KLHL30: variants seen among roughly 807,000 people sequenced by gnomAD.
The protein encoded by KLHL30 is kelch-like protein 30.
In KLHL30, 55 loss-of-function variants were observed where a neutral mutation model predicts 55.0. That is an observed-to-expected ratio of 1.00 (90% CI 0.80 to 1.25). The LOEUF (loss-of-function observed/expected upper bound fraction) is 1.25, where lower values mean the gene tolerates loss of function less well. Among genes scored for constraint, KLHL30 ranks in the 50% most tolerant of loss-of-function variants. KLHL30 has a pLI of 0.00. For synonymous variants in KLHL30, 356 were observed against 372.6 expected (o/e 0.96, Z 0.51); for missense variants, 786 against 811.6 (o/e 0.97, Z 0.38).
In KLHL30 at chr2:238,151,923, G is replaced by A; in HGVS notation, c.*858G>A. On this transcript the variant is annotated 3_prime_UTR_variant, in exon 8 of 8. Coordinates refer to ENST00000409223, the MANE Select transcript of KLHL30 (RefSeq NM_198582.4). ...GCATTGGTGGCAGCCTCCTGAGGGTGAGGGGTAGCATCCGATGGGCCCCTG... is the reference window on the plus strand; with the variant it reads ...GCATTGGTGGCAGCCTCCTGAGGGTAAGGGGTAGCATCCGATGGGCCCCTG... 1.0e-6 allele frequency: 1 copy of A among 985,496 alleles called. No individual in the cohort carries two copies. The highest frequency in any genetic ancestry group is 1.2e-6 in the Non-Finnish European group (1 of 829,964). The allele number at this position is 985,496 out of a possible 1,614,324, so 61.0% of individuals were successfully genotyped here. A position where few individuals can be genotyped will look rare whatever the true frequency, so the allele number is the denominator to read the frequency against.
chr2:238,142,918 CAACA>C lies in KLHL30; in HGVS notation c.895_898del (p.Asn299AlafsTer25). The C allele has an allele frequency of 2.0e-6, 3 of 1,506,852 alleles. No homozygotes were observed. Among genetic ancestry groups the C allele is most frequent in the Non-Finnish European group, 2.6e-6 (3 of 1,140,864 alleles). The allele number at this position is 1,506,852 out of a possible 1,614,324, so 93.3% of individuals were successfully genotyped here. On this transcript the variant is annotated frameshift_variant, in exon 3 of 8. Coordinates refer to ENST00000409223, the MANE Select transcript of KLHL30 (RefSeq NM_198582.4). LOFTEE classifies it high-confidence loss of function. ...CCGGCCTTGGGAACTTTGCCTTCTA[CAACA>C]GCAAGGCCAGTGAGTACCCCTCCCG... is the stretch of plus-strand genomic sequence containing the variant.
chr2:238,141,507 C>T lies in KLHL30; in HGVS notation c.753C>T (p.Ala251=). Reference sequence around the variant, plus strand: ...AGGAGTCAGAGGCATGCCGGGCAGCCCTGTCCCAGGGCCATGATGGGGTGA... The same window carrying T: ...AGGAGTCAGAGGCATGCCGGGCAGCTCTGTCCCAGGGCCATGATGGGGTGA... The part of the protein sequence containing the change: ...LIQESEACRA[A]LSQGHDGAPL... Residue 251 remains alanine, a synonymous_variant, in exon 2 of 8, where the codon GCC becomes GCT. Coordinates refer to ENST00000409223, the MANE Select transcript of KLHL30 (RefSeq NM_198582.4). 6.9e-7 allele frequency: 1 copy of T among 1,459,210 alleles called. No homozygotes were observed. Among genetic ancestry groups the T allele is most frequent in the Non-Finnish European group, 9.0e-7 (1 of 1,110,978 alleles). 90.4% of individuals were successfully genotyped at this position (1,459,210 alleles called of 1,614,324 possible).
At position 238,145,810 on chromosome 2, in the gene KLHL30, T is replaced by G. The variant is rs746209199; in HGVS notation, c.1128T>G (p.Asn376Lys). 2.5e-6 allele frequency: 4 copies of G among 1,606,534 alleles called. No homozygotes were observed. The highest frequency in any genetic ancestry group is 3.4e-6 in the Non-Finnish European group (4 of 1,177,054). Reference protein sequence around the residue: ...PRTNHASAALNGEIYVIGGTT... With the variant: ...PRTNHASAALKGEIYVIGGTT... ...CCAACCACGCCAGCGCGGCCCTCAA[T>G]GGGGAGATCTACGTTATCGGCGGTG... is the stretch of plus-strand genomic sequence containing the variant. The change falls in exon 5 of 8, where the codon AAT (asparagine) becomes AAG (lysine). Residue 376 changes from asparagine to lysine, a missense_variant. Coordinates refer to ENST00000409223, the MANE Select transcript of KLHL30 (RefSeq NM_198582.4).
chr2:238,139,471 C>G (rs1391145556), intron 1 of KLHL30, among the ~76,000 whole-genome samples: 1 of 152,202 alleles, frequency 6.6e-6, no homozygotes, highest in Non-Finnish European at 1.5e-5. Context: ...GCCCCGGCCA[C>G]GTGAGCTGCC....
At chr2:238,140,432 A>T (rs907835919) in intron 1 of KLHL30, among the ~76,000 whole-genome samples, 1 of 152,170 alleles carries the variant, frequency 6.6e-6, no homozygotes, top group Admixed American at 6.5e-5. Context: ...TCTGCCCTGA[A>T]TGCCTGGCCA....
intron 7 of KLHL30, 53 bp downstream of exon 7, chr2:238,149,205 A>G: frequency 1.2e-6 from 2 of 1,601,278 alleles, no homozygotes; most frequent in Non-Finnish European, 1.7e-6. Flanking sequence ...GACTCCTGAC[A>G]TCAGAGAGCC....
At chr2:238,139,730 C>A (rs945554505) in intron 1 of KLHL30, among the ~76,000 whole-genome samples, 7 of 152,182 alleles carry the variant, frequency 4.6e-5, no homozygotes, top group Admixed American at 1.3e-4. Flanking sequence ...GCCTCTCCTG[C>A]CCGGGATGGC....
chr2:238,139,282 C>T lies in KLHL30; in HGVS notation c.-71+524C>T, dbSNP rs1692486975. 3.3e-5 allele frequency among the ~76,000 whole-genome samples: 5 copies of T among 152,338 alleles called. No individual in the cohort carries two copies. The South Asian group carries it at 1.0e-3, about 32-fold the overall frequency. ...ATGACGGGAATGTGAGGCCTGCAGG[C>T]GGTGGCCCAGGGACAGCCCTGTCAC... is the stretch of plus-strand genomic sequence containing the variant. On this transcript the variant is annotated intron_variant, in intron 1 of 7. Coordinates refer to ENST00000409223, the MANE Select transcript of KLHL30 (RefSeq NM_198582.4).
At position 238,148,082 on chromosome 2, in the gene KLHL30, C is replaced by A. The variant is rs1193198998; in HGVS notation, c.1339+60C>A. On this transcript the variant is annotated intron_variant, in intron 6 of 7. Coordinates refer to ENST00000409223, the MANE Select transcript of KLHL30 (RefSeq NM_198582.4). ...ACAGGCCCCTCTGACAGGCGACAGT[C>A]CGCTCGTAGTGATGGTGAGGATTGG... is the stretch of plus-strand genomic sequence containing the variant. 4.6e-6 allele frequency: 6 copies of A among 1,314,188 alleles called. No individual in the cohort carries two copies. The African/African-American group carries it at 6.2e-5, about 14-fold the overall frequency. The allele number at this position is 1,314,188 out of a possible 1,614,324, so 81.4% of individuals were successfully genotyped here.
rs775709856 is a variant in KLHL30, at chr2:238,141,281, G to C, written c.527G>C (p.Arg176Pro). Residue 176 changes from arginine to proline, a missense_variant, in exon 2 of 8, where the codon CGA becomes CCA. Coordinates refer to ENST00000409223, the MANE Select transcript of KLHL30 (RefSeq NM_198582.4). ...GAGGACGAGTTCCTGCAGCTTCCCC[G>C]AGAGCGGCTGGTCACTTGTCTGGCC... is the stretch of plus-strand genomic sequence containing the variant. ...AREDEFLQLP[R>P]ERLVTCLAGD... The C allele has an allele frequency of 1.9e-6, 3 of 1,601,668 alleles. No homozygotes were observed. The highest frequency in any genetic ancestry group is 1.3e-5 in the African/African-American group (1 of 74,884).
chr2:238,139,772 C>T (rs1455524849), intron 1 of KLHL30, among the ~76,000 whole-genome samples: 1 of 152,240 alleles, frequency 6.6e-6, no homozygotes, highest in African/African-American at 2.4e-5. Flanking sequence ...GGCGAACGGC[C>T]TCTCCGCTGC....
chr2:238,144,432 A>AGGCAGGCAGGCAGGCAGGCAGGC (rs1692607584), intron 3 of KLHL30, among the ~76,000 whole-genome samples: 3 of 82,378 alleles, frequency 3.6e-5, no homozygotes, highest in Non-Finnish European at 7.8e-5. Flanking sequence ...GGAAGGAAGG[A>AGGCAGGCAGGCAGGCAGGCAGGC]AGGCAGGCAG....
Position 238,152,322 on chromosome 2 carries a change from T to G in KLHL30, c.*1257T>G, listed in dbSNP as rs71426503. 3,597 of 521,976 alleles carry G rather than the reference T, an allele frequency of 6.9e-3. 16 individuals carry two copies. The highest frequency in any genetic ancestry group is 8.3e-3 in the Non-Finnish European group (3,393 of 407,972). 32.3% of individuals were successfully genotyped at this position (521,976 alleles called of 1,614,324 possible). ...CCTGAGCCTCTTGAGCTTCTGTAGG[T>G]AGGGATCTGCTTTGCTCCCAGACCT... On this transcript the variant is annotated 3_prime_UTR_variant, in exon 8 of 8. Coordinates refer to ENST00000409223, the MANE Select transcript of KLHL30 (RefSeq NM_198582.4).
At chr2:238,150,735 C>A in intron 7 of KLHL30, 79 bp from the exon 8 acceptor site, 1 of 1,481,178 alleles carries the variant, frequency 6.8e-7, no homozygotes, top group Non-Finnish European at 9.1e-7. Flanking sequence ...TCTGCCACTC[C>A]CCCGACCCTG....
At chr2:238,143,559 G>A (rs954524613) in intron 3 of KLHL30, among the ~76,000 whole-genome samples, 7 of 152,378 alleles carry the variant, frequency 4.6e-5, no homozygotes, top group East Asian at 3.9e-4. Flanking sequence ...GCCCCGCAGC[G>A]GCTCTGGAGG....
Position 238,140,995 on chromosome 2 carries a change from C to T in KLHL30, c.241C>T (p.Pro81Ser). The T allele has an allele frequency of 1.2e-6, 2 of 1,612,478 alleles. No individual in the cohort carries two copies. The highest frequency in any genetic ancestry group is 1.3e-5 in the African/African-American group (1 of 75,056). Residue 81 changes from proline (P) to serine (S), a missense_variant, in exon 2 of 8, where the codon CCC (proline) becomes TCC (serine). By Grantham distance (74) the Pro-to-Ser change is moderately conservative (BLOSUM62 -1). Transcript: ENST00000409223. ...SARVELRDVE[P>S]AVVGQLVDFV... ...GCGCGTGGAGCTGCGGGACGTGGAG[C>T]CCGCCGTGGTGGGACAACTGGTGGA...
At chr2:238,144,432 A>AAGGAAGGAAGGC (rs1692608040) in intron 3 of KLHL30, among the ~76,000 whole-genome samples, 25 of 82,412 alleles carry the variant, frequency 3.0e-4, no homozygotes, top group Middle Eastern at 5.8e-3. Flanking sequence ...GGAAGGAAGG[A>AAGGAAGGAAGGC]AGGCAGGCAG....
intron 5 of KLHL30, among the ~76,000 whole-genome samples, chr2:238,146,246 G>A (rs1286697291): frequency 6.6e-6 from 1 of 151,726 alleles, no homozygotes; most frequent in African/African-American, 2.4e-5. Context: ...CGGGTGTGGT[G>A]GCTCGCTCCT....
In KLHL30 at chr2:238,152,124, CG is replaced by C. The variant is rs1692767059; in HGVS notation, c.*1062del. 4.1e-6 allele frequency: 4 copies of C among 985,490 alleles called. No individual in the cohort carries two copies. In the South Asian group the frequency reaches 1.4e-4, roughly 35 times the overall value. 61.0% of individuals were successfully genotyped at this position (985,490 alleles called of 1,614,324 possible). On this transcript the variant is annotated 3_prime_UTR_variant, in exon 8 of 8. Coordinates refer to ENST00000409223, the MANE Select transcript of KLHL30 (RefSeq NM_198582.4). ...GGACATGGGGCTAGAAGTCAGGAGT[CG>C]GGCCCGGCCAGGCACAGGCCCTGGT...
Sources: gnomAD v4.1 joint callset for allele counts (sites outside exome capture counted in the v4.1 genomes callset) on GRCh38, gnomAD v4.1.1 for gene constraint, MANE v1.5 for transcripts, NCBI Gene and HGNC (gene_info 2026-07-23, HGNC 2026-07-21) for gene names.